Variants in SAMD13 observed in about 807,000 individuals in gnomAD.
SAMD13 encodes sterile alpha motif domain-containing protein 13.
A neutral mutation model predicts 12.4 loss-of-function variants in SAMD13; 9 were observed. The ratio of observed to expected loss-of-function variants is 0.72; its 90% CI spans 0.44 to 1.26. SAMD13 has a LOEUF of 1.26. Ranked by LOEUF, SAMD13 falls within the 50% of genes most tolerant of loss-of-function variation. SAMD13 has a pLI of 0.00. For missense variants in SAMD13, 84 were observed against 119.6 expected (o/e 0.70, Z 1.39); for synonymous variants, 46 against 45.4 (o/e 1.01, Z -0.05).
At chr1:84,324,127 C>G (rs1424395202) in intron 2 of SAMD13, among the ~76,000 whole-genome samples, 1 of 152,228 alleles carries the variant, frequency 6.6e-6, no homozygotes, top group Admixed American at 6.5e-5. Flanking sequence ...CCACCCTAGT[C>G]TACGCATGAT....
chr1:84,333,674 A>T (rs1018408652), intron 3 of SAMD13, among the ~76,000 whole-genome samples: 2 of 152,120 alleles, frequency 1.3e-5, no homozygotes, highest in Admixed American at 6.6e-5. Context: ...AAACAAGAAT[A>T]GTTTGAGTTC....
chr1:84,327,371 G>A (rs1558453171), intron 3 of SAMD13, among the ~76,000 whole-genome samples: 1 of 152,090 alleles, frequency 6.6e-6, no homozygotes, highest in African/African-American at 2.4e-5. Context: ...TTTAGATAAG[G>A]TTTCAGAACA....
chr1:84,331,354 A>AAAAAAAAAAAATAC lies in SAMD13; in HGVS notation c.165+5610_165+5611insAAAAAAATACAAAA, dbSNP rs553761794. Among the ~76,000 whole-genome samples the AAAAAAAAAAAATAC allele has an allele frequency of 1.9e-3, 160 of 82,456 alleles. 38 individuals are homozygous for AAAAAAAAAAAATAC. The highest frequency in any genetic ancestry group is 9.8e-3 in the Middle Eastern group (1 of 102). The allele number at this position is 82,456 out of a possible 152,430, so 54.1% of individuals were successfully genotyped here. A position where few individuals can be genotyped will look rare whatever the true frequency, so the allele number is the denominator to read the frequency against. On this transcript the variant is annotated intron_variant, in intron 3 of 3. Coordinates refer to ENST00000394834, the MANE Select transcript of SAMD13 (RefSeq NM_001134663.2). The stretch of plus-strand genomic sequence containing the variant: ...AAAAAAAAAAAAAAAAAAAAAAAAA[A>AAAAAAAAAAAATAC]AAAATTATGGATACAAACTTGTTAA...
chr1:84,313,506 C>T (rs1379017335), intron 2 of SAMD13, among the ~76,000 whole-genome samples: 5 of 152,074 alleles, frequency 3.3e-5, no homozygotes, highest in Non-Finnish European at 7.4e-5. Context: ...TTTCTCACTC[C>T]CTTTTTCAGA....
chr1:84,317,880 C>T (rs1678868417), intron 2 of SAMD13, among the ~76,000 whole-genome samples: 1 of 151,984 alleles, frequency 6.6e-6, no homozygotes, highest in African/African-American at 2.4e-5. Context: ...CTAGACAGGT[C>T]TGCTTGGATT....
rs1679633376 is a variant in SAMD13, at chr1:84,350,775, G to GA, written c.*1001_*1002insA. ...CTTGTTGAATTGGTGCTTTGTGGTT[G>GA]CAATAAAGCATTGCTTCAGTTTATT... On this transcript the variant is annotated 3_prime_UTR_variant, in exon 4 of 4. Coordinates refer to ENST00000394834, the MANE Select transcript of SAMD13 (RefSeq NM_001134663.2). 1 of 152,528 alleles carries GA rather than the reference G, an allele frequency of 6.6e-6. No individual in the cohort carries two copies. Among genetic ancestry groups the GA allele is most frequent in the African/African-American group, 2.4e-5 (1 of 41,436 alleles). 9.4% of individuals were successfully genotyped at this position (152,528 alleles called of 1,614,324 possible).
At chr1:84,313,175 TATTCACA>T (rs1165245567) in intron 2 of SAMD13, among the ~76,000 whole-genome samples, 1 of 152,162 alleles carries the variant, frequency 6.6e-6, no homozygotes, top group Non-Finnish European at 1.5e-5. Flanking sequence ...TATATACATA[TATTCACA>T]TGCATTAAAG....
upstream of SAMD13, among the ~76,000 whole-genome samples, chr1:84,299,165 G>A (rs1447667801): frequency 6.6e-6 from 1 of 152,116 alleles, no homozygotes; most frequent in Admixed American, 6.5e-5. Context: ...TGCACCGGGG[G>A]TCGGATCCCG....
intron 1 of SAMD13, chr1:84,302,580 G>A: frequency 4.5e-6 from 3 of 668,730 alleles, no homozygotes; most frequent in Non-Finnish European, 5.5e-6. Context: ...ACACACACCA[G>A]CACCACCTTT....
intron 3 of SAMD13, among the ~76,000 whole-genome samples, chr1:84,334,992 G>A (rs571292570): frequency 6.0e-4 from 91 of 152,032 alleles, no homozygotes; most frequent in African/African-American, 1.9e-3. Context: ...AGAGTATATC[G>A]CATGTGCAGA....
At chr1:84,302,788 A>C in intron 1 of SAMD13, 4 of 563,716 alleles carry the variant, frequency 7.1e-6, no homozygotes, top group South Asian at 8.0e-5. Context: ...AAAACCAAAC[A>C]CAATAAGAAA....
chr1:84,311,380 A>T (rs1678709657), intron 2 of SAMD13, among the ~76,000 whole-genome samples: 2 of 151,942 alleles, frequency 1.3e-5, no homozygotes, highest in Admixed American at 1.3e-4. Flanking sequence ...AAGAAAAAAA[A>T]ATTAATATTT....
intron 3 of SAMD13, among the ~76,000 whole-genome samples, chr1:84,339,981 C>G (rs1043360286): frequency 2.0e-5 from 3 of 152,200 alleles, no homozygotes; most frequent in African/African-American, 7.2e-5. Context: ...TTTCTTTGTA[C>G]ATTGCTGGTA....
chr1:84,344,068 G>GT (rs953103253), intron 3 of SAMD13, among the ~76,000 whole-genome samples: 27 of 141,530 alleles, frequency 1.9e-4, no homozygotes, highest in African/African-American at 5.6e-4. Flanking sequence ...TTTGTTTTTT[G>GT]TTTTTTTGGC....
chr1:84,317,174 T>C (rs946181725), intron 2 of SAMD13, among the ~76,000 whole-genome samples: 1 of 152,132 alleles, frequency 6.6e-6, no homozygotes, highest in African/African-American at 2.4e-5. Context: ...ACTTTTTCCT[T>C]TTCAATTTGG....
At chr1:84,336,431 G>A (rs999907515) in intron 3 of SAMD13, among the ~76,000 whole-genome samples, 6 of 152,140 alleles carry the variant, frequency 3.9e-5, no homozygotes, top group African/African-American at 1.4e-4. Context: ...ATGGCAGAAG[G>A]CAACCAGGAG....
intron 3 of SAMD13, among the ~76,000 whole-genome samples, chr1:84,345,988 A>G (rs894616604): frequency 2.6e-5 from 4 of 152,118 alleles, no homozygotes; most frequent in African/African-American, 7.2e-5. Flanking sequence ...ACAGGCATGT[A>G]CCACCATACT....
intron 3 of SAMD13, among the ~76,000 whole-genome samples, chr1:84,333,214 A>AT (rs1558457678): frequency 1.3e-5 from 2 of 152,114 alleles, no homozygotes; most frequent in South Asian, 4.1e-4. Context: ...TTCCATATGA[A>AT]TGTTAGAATA....
intron 3 of SAMD13, among the ~76,000 whole-genome samples, chr1:84,335,370 CT>C (rs1679271200): frequency 6.6e-6 from 1 of 151,992 alleles, no homozygotes; most frequent in Non-Finnish European, 1.5e-5. Context: ...GCAAACCCTG[CT>C]TTTTTTCTGT....
Sources: gnomAD v4.1 joint callset for allele counts (sites outside exome capture counted in the v4.1 genomes callset) on GRCh38, gnomAD v4.1.1 for gene constraint, MANE v1.5 for transcripts, NCBI Gene and HGNC (gene_info 2026-07-23, HGNC 2026-07-21) for gene names.